Variants in ZBTB20 observed in about 807,000 individuals in gnomAD.
ZBTB20 encodes the protein zinc finger and BTB domain containing 20, also known as zinc finger and BTB domain-containing protein 20.
Under a neutral mutation model 56.9 loss-of-function variants are expected in ZBTB20, and 9 were observed. The observed-to-expected ratio is 0.16, with a 90% CI of 0.10 to 0.28. ZBTB20 has a LOEUF of 0.28. ZBTB20 is among the 10% of genes least tolerant of loss of function. ZBTB20 has a pLI of 1.00. For synonymous variants in ZBTB20, 417 were observed against 420.7 expected, an observed-to-expected ratio of 0.99 and a Z score of 0.11; for missense variants, 655 against 1,003.0, an observed-to-expected ratio of 0.65 and a Z score of 4.69.
intron 2 of ZBTB20, among the ~76,000 whole-genome samples, chr3:114,979,468 CAT>C (rs2078242913): frequency 6.6e-6 from 1 of 151,946 alleles, no homozygotes; most frequent in Non-Finnish European, 1.5e-5. Flanking sequence ...TCATTCAAAA[CAT>C]ATGACCCTAC....
chr3:114,794,236 T>C (rs537839959), intron 5 of ZBTB20, among the ~76,000 whole-genome samples: 1 of 152,248 alleles, frequency 6.6e-6, no homozygotes, highest in African/African-American at 2.4e-5. Flanking sequence ...CAACTCTTTA[T>C]ACAGTATCTG....
In ZBTB20 at chr3:114,683,059, T is replaced by C. The variant is rs73857639; in HGVS notation, c.-295+10469A>G. 4.6e-3 allele frequency among the ~76,000 whole-genome samples: 707 copies of C among 152,308 alleles called. 6 individuals carry two copies. Among genetic ancestry groups the C allele is most frequent in the African/African-American group, 0.016 (672 of 41,570 alleles). ...GGAATTTTTTTTTCAGAGAGAAATA[T>C]AGCTAACATGGAATATCATGTCCTT... On this transcript the variant is annotated intron_variant, in intron 6 of 11. Transcript: ENST00000675478.
intron 4 of ZBTB20, among the ~76,000 whole-genome samples, chr3:114,865,256 C>G (rs151004604): frequency 6.6e-6 from 1 of 152,232 alleles, no homozygotes; most frequent in African/African-American, 2.4e-5. Flanking sequence ...GGTTTTTAGA[C>G]TTTTAAACAA....
At chr3:114,906,484 G>A (rs139015690) in intron 3 of ZBTB20, among the ~76,000 whole-genome samples, 1 of 151,380 alleles carries the variant, frequency 6.6e-6, no homozygotes, top group East Asian at 1.9e-4. Flanking sequence ...AAGCTTACTA[G>A]GTATGTGTCC....
At chr3:114,366,183 A>C (rs1340765540) in intron 10 of ZBTB20, among the ~76,000 whole-genome samples, 1 of 152,214 alleles carries the variant, frequency 6.6e-6, no homozygotes. Context: ...TTTAACAAGT[A>C]CGCTGCTAGA....
chr3:114,560,637 A>T (rs1023728688), intron 6 of ZBTB20, among the ~76,000 whole-genome samples: 1 of 152,116 alleles, frequency 6.6e-6, no homozygotes, highest in African/African-American at 2.4e-5. Flanking sequence ...CTTAATTAAA[A>T]ATACTTTATT....
At chr3:115,053,272 C>T (rs1375008376) in intron 2 of ZBTB20, among the ~76,000 whole-genome samples, 1 of 152,146 alleles carries the variant, frequency 6.6e-6, no homozygotes, top group African/African-American at 2.4e-5. Flanking sequence ...TTTTCTTATC[C>T]TTCATCGTTG....
intron 6 of ZBTB20, among the ~76,000 whole-genome samples, chr3:114,620,051 G>A (rs1406972803): frequency 6.6e-6 from 1 of 152,172 alleles, no homozygotes; most frequent in Non-Finnish European, 1.5e-5. Context: ...CTGACTACAT[G>A]AGCTGACCAA....
chr3:114,369,361 G>T (rs779768589), intron 10 of ZBTB20, among the ~76,000 whole-genome samples: 2 of 152,112 alleles, frequency 1.3e-5, no homozygotes, highest in Non-Finnish European at 2.9e-5. Flanking sequence ...AATTGGAGAG[G>T]AAAGGAAAAA....
At chr3:114,637,276 G>C (rs937262523) in intron 6 of ZBTB20, among the ~76,000 whole-genome samples, 5 of 151,902 alleles carry the variant, frequency 3.3e-5, no homozygotes, top group African/African-American at 1.2e-4. Flanking sequence ...AGCTTTCCTG[G>C]AGATCACAGA....
chr3:114,354,722 C>G (rs2462783), intron 10 of ZBTB20, among the ~76,000 whole-genome samples: 1 of 151,836 alleles, frequency 6.6e-6, no homozygotes, highest in East Asian at 1.9e-4. Flanking sequence ...GCTGGGATTA[C>G]AGGCATGCAC....
chr3:114,982,097 T>C (rs977058425), intron 2 of ZBTB20, among the ~76,000 whole-genome samples: 32 of 152,028 alleles, frequency 2.1e-4, no homozygotes, highest in African/African-American at 7.0e-4. Context: ...AAGTGTGGAA[T>C]TATACAATCA....
intron 2 of ZBTB20, among the ~76,000 whole-genome samples, chr3:115,056,657 C>T (rs998146620): frequency 3.3e-5 from 5 of 152,120 alleles, no homozygotes; most frequent in African/African-American, 2.4e-5. Context: ...CTAATGATTG[C>T]GTGAGGGTAT....
At chr3:114,643,599 T>C (rs2059675291) in intron 6 of ZBTB20, among the ~76,000 whole-genome samples, 1 of 152,132 alleles carries the variant, frequency 6.6e-6, no homozygotes, top group Admixed American at 6.5e-5. Flanking sequence ...TTTTCCTGCA[T>C]GTTTGATTGA....
At chr3:114,447,844 A>G (rs2091360884) in intron 7 of ZBTB20, among the ~76,000 whole-genome samples, 1 of 152,090 alleles carries the variant, frequency 6.6e-6, no homozygotes, top group Non-Finnish European at 1.5e-5. Context: ...ACCATGAAAA[A>G]CAGCTTTGAG....
At chr3:114,685,268 T>G (rs1200731220) in intron 6 of ZBTB20, among the ~76,000 whole-genome samples, 2 of 152,136 alleles carry the variant, frequency 1.3e-5, no homozygotes, top group Non-Finnish European at 2.9e-5. Context: ...CTGAGAATGT[T>G]CACCGCTCTG....
chr3:115,047,946 C>T (rs918048566), intron 2 of ZBTB20, among the ~76,000 whole-genome samples: 7 of 152,032 alleles, frequency 4.6e-5, no homozygotes, highest in Non-Finnish European at 1.0e-4. Flanking sequence ...TCTGGCCGGG[C>T]GCGGTGGCTC....
intron 11 of ZBTB20, 83 bp downstream of exon 11, chr3:114,350,191 T>C: frequency 4.6e-6 from 7 of 1,511,514 alleles, no homozygotes; most frequent in Non-Finnish European, 5.3e-6. Context: ...TCCCAAACCT[T>C]CCCTTCTACC....
intron 3 of ZBTB20, among the ~76,000 whole-genome samples, chr3:114,906,115 T>C (rs2075308145): frequency 6.6e-6 from 1 of 151,842 alleles, no homozygotes; most frequent in South Asian, 2.1e-4. Context: ...TATTCACTAC[T>C]CTATACCCAG....
Sources: gnomAD v4.1 joint callset for allele counts (sites outside exome capture counted in the v4.1 genomes callset) on GRCh38, gnomAD v4.1.1 for gene constraint, MANE v1.5 for transcripts, NCBI Gene and HGNC (gene_info 2026-07-23, HGNC 2026-07-21) for gene names.